PIGL: variants seen among roughly 807,000 people sequenced by gnomAD.
The protein encoded by PIGL is phosphatidylinositol glycan anchor biosynthesis class L.
Under a neutral mutation model 31.1 loss-of-function variants are expected in PIGL, and 22 were observed. The ratio of observed to expected loss-of-function variants is 0.71; its 90% CI spans 0.51 to 1.01. The LOEUF (loss-of-function observed/expected upper bound fraction) is 1.01. PIGL is among the 50% of genes least tolerant of loss of function. PIGL has a pLI of 0.00. For missense variants in PIGL, 302 were observed against 315.9 expected (o/e 0.96, Z 0.33); for synonymous variants, 131 against 117.4 (o/e 1.12, Z -0.75).
intron 2 of PIGL, among the ~76,000 whole-genome samples, chr17:16,277,254 A>T (rs111245436): frequency 5.8e-4 from 88 of 152,276 alleles, no homozygotes; most frequent in African/African-American, 2.0e-3. Flanking sequence ...TGGTGAAAAA[A>T]AAGTTTCTCC....
intron 2 of PIGL, among the ~76,000 whole-genome samples, chr17:16,236,002 T>C (rs778513205): frequency 1.3e-5 from 2 of 152,146 alleles, no homozygotes; most frequent in Non-Finnish European, 2.9e-5. Flanking sequence ...TACCTAGAAG[T>C]TGCAAAATGC....
intron 1 of PIGL, among the ~76,000 whole-genome samples, chr17:16,218,764 C>G (rs968203267): frequency 1.3e-5 from 2 of 149,190 alleles, no homozygotes; most frequent in Admixed American, 6.7e-5. Context: ...CTGCAACCTC[C>G]ACCACCCGGG....
At chr17:16,229,252 G>C (rs2092667563) in intron 1 of PIGL, among the ~76,000 whole-genome samples, 1 of 151,926 alleles carries the variant, frequency 6.6e-6, no homozygotes, top group Non-Finnish European at 1.5e-5. Context: ...ATTCCGGCCT[G>C]GGTGACAGAG....
At chr17:16,283,642 G>A (rs918645640) in intron 2 of PIGL, among the ~76,000 whole-genome samples, 1 of 152,086 alleles carries the variant, frequency 6.6e-6, no homozygotes, top group African/African-American at 2.4e-5. Context: ...GCAACAGACT[G>A]AGACCCTGTC....
intron 6 of PIGL, among the ~76,000 whole-genome samples, chr17:16,322,396 GTTC>G (rs746170405): frequency 1.5e-4 from 23 of 152,108 alleles, no homozygotes; most frequent in South Asian, 1.2e-3. Flanking sequence ...CACCCAGCCT[GTTC>G]TTCTTTAAAT....
intron 3 of PIGL, among the ~76,000 whole-genome samples, chr17:16,309,691 G>T (rs2093040311): frequency 6.6e-6 from 1 of 152,026 alleles, no homozygotes; most frequent in East Asian, 1.9e-4. Flanking sequence ...AACCCAGGAG[G>T]TAGAAGTTGC....
intron 2 of PIGL, among the ~76,000 whole-genome samples, chr17:16,292,259 C>T (rs1432463008): frequency 2.0e-5 from 3 of 152,088 alleles, no homozygotes; most frequent in Non-Finnish European, 4.4e-5. Context: ...GTCTCGATTT[C>T]CTGATGTCAG....
intron 2 of PIGL, among the ~76,000 whole-genome samples, chr17:16,274,335 C>T (rs570662244): frequency 1.1e-4 from 17 of 152,116 alleles, no homozygotes; most frequent in Non-Finnish European, 2.5e-4. Context: ...AGTTCTCTTG[C>T]GGATCTCAGC....
At chr17:16,252,116 C>A (rs2092775346) in intron 2 of PIGL, among the ~76,000 whole-genome samples, 1 of 148,840 alleles carries the variant, frequency 6.7e-6, no homozygotes, top group Admixed American at 6.7e-5. Context: ...GCTCTGTCGC[C>A]AGGCTGGAGT....
Position 16,272,717 on chromosome 17 carries a change from C to G in PIGL, c.336-27171C>G, listed in dbSNP as rs1600808325. Among the ~76,000 whole-genome samples, 5 of 152,198 alleles carry G rather than the reference C, an allele frequency of 3.3e-5. 1 individual carries two copies. The highest frequency in any genetic ancestry group is 3.3e-4 in the Admixed American group (5 of 15,270). On this transcript the variant is annotated intron_variant, in intron 2 of 6. Transcript: ENST00000225609. The stretch of plus-strand genomic sequence containing the variant: ...GTCCCAGTCCTACTGGACCTCTCAG[C>G]AGCTCTGGCCAATGCTGACCACTCC...
At chr17:16,317,970 CAA>C in intron 6 of PIGL, 62 bp downstream of exon 6, 1 of 1,406,070 alleles carries the variant, frequency 7.1e-7, no homozygotes. Context: ...CCTGTCTCCT[CAA>C]AGCCCCACCT....
At chr17:16,223,375 G>A (rs747947111) in intron 1 of PIGL, among the ~76,000 whole-genome samples, 30 of 151,504 alleles carry the variant, frequency 2.0e-4, no homozygotes, top group Non-Finnish European at 7.4e-5. Flanking sequence ...TCAGGAGTTC[G>A]AGACCAGCCT....
rs202152743 is a variant in PIGL, at chr17:16,233,949, A to G, written c.236-22A>G. ...CACTGTTAAAAAAAAAAAATCTACCACTGTATATTTGTTACCCTCAGGAAA... is the reference window on the plus strand; with the variant it reads ...CACTGTTAAAAAAAAAAAATCTACCGCTGTATATTTGTTACCCTCAGGAAA... On this transcript the variant is annotated intron_variant, in intron 1 of 6. Coordinates refer to ENST00000225609, the MANE Select transcript of PIGL (RefSeq NM_004278.4). 3.0e-4 allele frequency: 405 copies of G among 1,362,360 alleles called. 1 individual carries two copies. The highest frequency in any genetic ancestry group is 3.6e-4 in the Middle Eastern group (2 of 5,504). 84.4% of individuals were successfully genotyped at this position (1,362,360 alleles called of 1,614,324 possible).
intron 1 of PIGL, among the ~76,000 whole-genome samples, chr17:16,219,786 G>A (rs1354336351): frequency 1.1e-4 from 16 of 151,008 alleles, no homozygotes; most frequent in South Asian, 2.1e-4. Context: ...GGCTAGTCTC[G>A]AACTCCTGAC....
chr17:16,273,139 G>C (rs1309858892), intron 2 of PIGL, among the ~76,000 whole-genome samples: 3 of 152,178 alleles, frequency 2.0e-5, no homozygotes, highest in Non-Finnish European at 4.4e-5. Context: ...CCCTCAAGGA[G>C]CTTGCAGTCT....
At chr17:16,309,691 G>C (rs2093040311) in intron 3 of PIGL, among the ~76,000 whole-genome samples, 1 of 151,910 alleles carries the variant, frequency 6.6e-6, no homozygotes, top group Admixed American at 6.6e-5. Context: ...AACCCAGGAG[G>C]TAGAAGTTGC....
intron 3 of PIGL, among the ~76,000 whole-genome samples, chr17:16,309,533 CG>C (rs2093039601): frequency 6.6e-6 from 1 of 151,254 alleles, no homozygotes; most frequent in African/African-American, 2.4e-5. Context: ...GAGGCCAAGG[CG>C]GGTGGATCAC....
intron 2 of PIGL, among the ~76,000 whole-genome samples, chr17:16,296,609 CAA>C (rs1163605216): frequency 2.8e-5 from 3 of 105,600 alleles, no homozygotes; most frequent in Admixed American, 9.9e-5. Flanking sequence ...GACTCCATCT[CAA>C]AAAAAAAAAA....
chr17:16,276,706 C>T (rs2092897304), intron 2 of PIGL, among the ~76,000 whole-genome samples: 1 of 152,148 alleles, frequency 6.6e-6, no homozygotes, highest in African/African-American at 2.4e-5. Flanking sequence ...CACTGCACTC[C>T]AGCCTGGGTG....
Sources: gnomAD v4.1 joint callset for allele counts (sites outside exome capture counted in the v4.1 genomes callset) on GRCh38, gnomAD v4.1.1 for gene constraint, MANE v1.5 for transcripts, NCBI Gene and HGNC (gene_info 2026-07-23, HGNC 2026-07-21) for gene names.